Variants in ABHD12 observed in about 807,000 individuals in gnomAD.
ABHD12 encodes lysophosphatidylserine lipase ABHD12.
Under a neutral mutation model 58.3 loss-of-function variants are expected in ABHD12, and 43 were observed. The observed-to-expected ratio is 0.74, with a 90% CI of 0.58 to 0.95. The LOEUF is 0.95. Ranked by LOEUF, ABHD12 falls within the 40% of genes least tolerant of loss-of-function variation. The pLI is 0.00. For synonymous variants in ABHD12, 219 were observed against 211.2 expected, an observed-to-expected ratio of 1.04 and a Z score of -0.32; for missense variants, 539 against 537.2, an observed-to-expected ratio of 1.00 and a Z score of -0.03.
Position 25,300,982 on chromosome 20 carries a change from C to T in ABHD12, c.1158-98G>A, listed in dbSNP as rs73345003. The T allele has an allele frequency of 1.3e-3, 1,767 of 1,320,040 alleles. 26 individuals carry two copies. In the African/African-American group the frequency reaches 0.023, roughly 17 times the overall value. The allele number at this position is 1,320,040 out of a possible 1,614,324, so 81.8% of individuals were successfully genotyped here. A position where few individuals can be genotyped will look rare whatever the true frequency, so the allele number is the denominator to read the frequency against. On this transcript the variant is annotated intron_variant, in intron 12 of 12. Coordinates refer to ENST00000339157, the MANE Select transcript of ABHD12 (RefSeq NM_001042472.3). ...GCTATCTAAGGAAGCAGAGGCTGTG[C>T]AGAGAGGAGGCAGCCAAGAGCCCCA...
chr20:25,323,308 A>G lies in ABHD12; in HGVS notation c.422+17T>C. ...TTTCCTGCTGCTGGAGGGGCTGCAG[A>G]GCTCACTGGCACTCACCAGACTCCA... On this transcript the variant is annotated intron_variant, in intron 3 of 12. Coordinates refer to ENST00000339157, the MANE Select transcript of ABHD12 (RefSeq NM_001042472.3). The G allele has an allele frequency of 1.3e-6, 2 of 1,551,750 alleles. No individual in the cohort carries two copies. The highest frequency in any genetic ancestry group is 1.8e-6 in the Non-Finnish European group (2 of 1,123,058).
At chr20:25,298,330 G>C (rs2088583334), downstream of ABHD12, among the ~76,000 whole-genome samples, 1 of 152,014 alleles carries the variant, frequency 6.6e-6, no homozygotes, top group Admixed American at 6.5e-5. Flanking sequence ...CAGTGGCACG[G>C]TCTTGGCTCG....
intron 1 of ABHD12, among the ~76,000 whole-genome samples, chr20:25,347,072 T>C (rs2089529589): frequency 6.6e-6 from 1 of 152,180 alleles, no homozygotes; most frequent in Non-Finnish European, 1.5e-5. Context: ...TGGCAGTTAG[T>C]GTTCAGAGAC....
chr20:25,377,752 C>G (rs997384168), intron 1 of ABHD12, among the ~76,000 whole-genome samples: 2 of 152,206 alleles, frequency 1.3e-5, no homozygotes, highest in Middle Eastern at 3.2e-3. Context: ...GGCTGGAGTA[C>G]AGTGGCGTGA....
rs763630523 is a variant in ABHD12 at position 25,320,317 on chromosome 20, G to C, written c.424C>G (p.His142Asp). The change falls in exon 4 of 13, where the codon CAC becomes GAC. Residue 142 changes from histidine to aspartate, a missense_variant and splice_region_variant. Physicochemically the swap from His to Asp is moderately conservative, Grantham distance 81 (BLOSUM62 -1). Transcript: ENST00000339157. ...TTCCACCAGACTGCAGGGACGGTGT[G>C]CCTGCAGACAGAAGCAGAGGGGAGC... ...PEEDVTIGVW[H>D]TVPAVWWKNA... The C allele has an allele frequency of 1.7e-5, 28 of 1,613,538 alleles. No individual in the cohort carries two copies. The highest frequency in any genetic ancestry group is 2.3e-5 in the Non-Finnish European group (27 of 1,180,034).
chr20:25,354,568 C>T (rs2089643726), intron 1 of ABHD12, among the ~76,000 whole-genome samples: 1 of 152,204 alleles, frequency 6.6e-6, no homozygotes, highest in Admixed American at 6.5e-5. Context: ...ACAAGATGCA[C>T]TGTCCATTGG....
At chr20:25,337,979 A>G (rs2089400266) in intron 2 of ABHD12, among the ~76,000 whole-genome samples, 1 of 152,186 alleles carries the variant, frequency 6.6e-6, no homozygotes, top group Non-Finnish European at 1.5e-5. Flanking sequence ...ATTTTAAGAC[A>G]CCCAAATAAA....
At chr20:25,387,572 G>A (rs539269293) in intron 1 of ABHD12, among the ~76,000 whole-genome samples, 2 of 101,130 alleles carry the variant, frequency 2.0e-5, no homozygotes, top group Admixed American at 1.4e-4. Context: ...GGGCAACATA[G>A]TGAGACTTCA....
intron 1 of ABHD12, among the ~76,000 whole-genome samples, chr20:25,340,777 T>A (rs947534138): frequency 1.3e-5 from 2 of 152,202 alleles, no homozygotes; most frequent in Admixed American, 1.3e-4. Context: ...ACGTCTAAAA[T>A]TCTAGAAAAG....
At chr20:25,330,382 T>G (rs954421781) in intron 2 of ABHD12, among the ~76,000 whole-genome samples, 17 of 151,936 alleles carry the variant, frequency 1.1e-4, no homozygotes, top group African/African-American at 2.4e-4. Flanking sequence ...CAGCGAGGCT[T>G]GGGGAGGGGC....
At chr20:25,302,481 G>A (rs2088655574) in intron 11 of ABHD12, 135 bp from the exon 12 acceptor site, 3 of 1,226,720 alleles carry the variant, frequency 2.4e-6, no homozygotes, top group Admixed American at 1.9e-5. Context: ...TGCCACAGCC[G>A]GTCACGACCA....
At chr20:25,379,146 G>A (rs73614593) in intron 1 of ABHD12, among the ~76,000 whole-genome samples, 1 of 152,184 alleles carries the variant, frequency 6.6e-6, no homozygotes, top group African/African-American at 2.4e-5. Context: ...GATGTGTGCA[G>A]GGACCCCGTG....
chr20:25,356,620 A>G (rs1247769109), intron 1 of ABHD12, among the ~76,000 whole-genome samples: 1 of 152,094 alleles, frequency 6.6e-6, no homozygotes, highest in African/African-American at 2.4e-5. Context: ...GGTTCCTTTG[A>G]CGGGGGAGGA....
intron 1 of ABHD12, among the ~76,000 whole-genome samples, chr20:25,346,110 A>G (rs565238341): frequency 1.3e-5 from 2 of 152,320 alleles, no homozygotes; most frequent in South Asian, 4.1e-4. Flanking sequence ...CATCCGGACA[A>G]TGGAATATTA....
intron 1 of ABHD12, among the ~76,000 whole-genome samples, chr20:25,367,405 A>AT (rs905166574): frequency 2.0e-5 from 3 of 152,260 alleles, no homozygotes; most frequent in South Asian, 2.1e-4. Context: ...CATTTTTCCA[A>AT]TTTTTTTACA....
At chr20:25,361,093 G>GC (rs1475422055) in intron 1 of ABHD12, among the ~76,000 whole-genome samples, 1 of 152,176 alleles carries the variant, frequency 6.6e-6, no homozygotes, top group East Asian at 1.9e-4. Context: ...AGGGCCCACC[G>GC]CCCCTGCAAT....
intron 1 of ABHD12, among the ~76,000 whole-genome samples, chr20:25,371,287 T>C (rs939702019): frequency 6.6e-6 from 1 of 152,180 alleles, no homozygotes; most frequent in Non-Finnish European, 1.5e-5. Context: ...AGCCGCTCTA[T>C]CAGGATGGTA....
At chr20:25,371,481 T>TC (rs929038591) in intron 1 of ABHD12, among the ~76,000 whole-genome samples, 2 of 152,172 alleles carry the variant, frequency 1.3e-5, no homozygotes, top group African/African-American at 4.8e-5. Context: ...CAGAAGTGAT[T>TC]CCTCCCAACA....
Position 25,388,032 on chromosome 20 carries a change from CCTT to C in ABHD12, c.191+2478_191+2480del, listed in dbSNP as rs374983829. ...CCAGCCTGGGCGACAAAGCGAGACT[CCTT>C]CTCAAAAAAAAAAAAAAAAAAAAAT... On this transcript the variant is annotated intron_variant, in intron 1 of 12. Coordinates refer to ENST00000339157, the MANE Select transcript of ABHD12 (RefSeq NM_001042472.3). Among the ~76,000 whole-genome samples, 598 of 135,944 alleles carry C rather than the reference CCTT, an allele frequency of 4.4e-3. 6 individuals are homozygous for C. Among genetic ancestry groups the C allele is most frequent in the African/African-American group, 0.017 (555 of 32,564 alleles). The allele number at this position is 135,944 out of a possible 152,430, so 89.2% of individuals were successfully genotyped here.
Sources: allele counts gnomAD v4.1 joint callset (sites outside exome capture counted in the v4.1 genomes callset), GRCh38; gene constraint gnomAD v4.1.1; transcripts MANE v1.5; gene names NCBI Gene and HGNC (gene_info 2026-07-23, HGNC 2026-07-21).